The following STARD13 variants were observed in gnomAD, a reference collection of about 807,000 sequenced individuals.
STARD13 encodes the protein StAR related lipid transfer domain containing 13.
In STARD13, 62 loss-of-function variants were observed where a neutral mutation model predicts 106.4. The observed-to-expected ratio is 0.58, with a 90% CI of 0.48 to 0.72. The LOEUF (loss-of-function observed/expected upper bound fraction) is 0.72, where lower values mean the gene tolerates loss of function less well. STARD13 is among the 30% of genes least tolerant of loss of function. STARD13 has a pLI of 0.00. For missense variants in STARD13, 1,387 were observed against 1,424.0 expected, an observed-to-expected ratio of 0.97 and a Z score of 0.42; for synonymous variants, 565 against 553.0, an observed-to-expected ratio of 1.02 and a Z score of -0.31.
At chr13:33,608,810 G>T in the STARD13 span, among the ~76,000 whole-genome samples, 1 of 152,152 alleles carries the variant, frequency 6.6e-6, no homozygotes, top group Non-Finnish European at 1.5e-5. Flanking sequence ...ATACAGGCTG[G>T]GCCCGATGGC....
At chr13:33,263,289 C>T (rs1890737731) in intron 1 of STARD13, among the ~76,000 whole-genome samples, 1 of 152,028 alleles carries the variant, frequency 6.6e-6, no homozygotes, top group East Asian at 1.9e-4. Context: ...CCAGATATTA[C>T]CAAATGTTCC....
At chr13:33,193,521 A>G (rs1262484975) in intron 1 of STARD13, among the ~76,000 whole-genome samples, 2 of 152,236 alleles carry the variant, frequency 1.3e-5, no homozygotes, top group South Asian at 4.1e-4. Flanking sequence ...ACTCAGGTAG[A>G]CATTACTGTT....
At chr13:33,615,747 C>T in the STARD13 span, among the ~76,000 whole-genome samples, 2 of 152,196 alleles carry the variant, frequency 1.3e-5, no homozygotes, top group African/African-American at 4.8e-5. Flanking sequence ...ATCATGACAT[C>T]CAGGTTCCTT....
In STARD13 at chr13:33,129,877, C is replaced by T. The variant is rs199525321; in HGVS notation, c.800G>A (p.Arg267Gln). 24 of 1,613,108 alleles carry T rather than the reference C, an allele frequency of 1.5e-5. No homozygotes were observed. Among genetic ancestry groups the T allele is most frequent in the South Asian group, 1.2e-4 (11 of 91,074 alleles). The part of the protein sequence containing the change: ...KSFLKRMETL[R>Q]GKGAHGRHKG... ...ATGCCTCCCGTGGGCTCCCTTCCCT[C>T]GGAGTGTTTCCATGCGTTTCAAAAA... Residue 267 changes from arginine (R) to glutamine (Q), a missense_variant, in exon 5 of 14, where the codon CGA becomes CAA. Transcript: ENST00000336934.
chr13:33,480,265 A>G, the STARD13 span, among the ~76,000 whole-genome samples: 1 of 152,188 alleles, frequency 6.6e-6, no homozygotes, highest in Admixed American at 6.5e-5. Flanking sequence ...ATTTTGTATT[A>G]CATATTTGAG....
chr13:33,462,046 G>A, the STARD13 span, among the ~76,000 whole-genome samples: 1 of 152,062 alleles, frequency 6.6e-6, no homozygotes, highest in Non-Finnish European at 1.5e-5. Flanking sequence ...ACACTTTCCA[G>A]CCTCTCTCCC....
At chr13:33,549,719 C>G in the STARD13 span, among the ~76,000 whole-genome samples, 2 of 152,198 alleles carry the variant, frequency 1.3e-5, no homozygotes, top group African/African-American at 2.4e-5. Flanking sequence ...TACATGACAT[C>G]TGTTTCTTCC....
intron 1 of STARD13, among the ~76,000 whole-genome samples, chr13:33,176,944 T>A (rs986706408): frequency 5.9e-5 from 9 of 152,240 alleles, no homozygotes; most frequent in Non-Finnish European, 4.4e-5. Context: ...TAACTTCAAA[T>A]TTTAAAGAAC....
chr13:33,638,601 A>T, the STARD13 span, among the ~76,000 whole-genome samples: 1 of 152,208 alleles, frequency 6.6e-6, no homozygotes, highest in African/African-American at 2.4e-5. Flanking sequence ...CTTCAGAGAG[A>T]ATAGATTGTA....
At chr13:33,382,243 A>G in the STARD13 span, among the ~76,000 whole-genome samples, 3 of 152,166 alleles carry the variant, frequency 2.0e-5, no homozygotes, top group African/African-American at 7.2e-5. Context: ...ATTACATTTC[A>G]AGTTAAGTCA....
the STARD13 span, among the ~76,000 whole-genome samples, chr13:33,521,914 T>C: frequency 5.9e-5 from 9 of 152,142 alleles, no homozygotes; most frequent in Non-Finnish European, 1.5e-5. Context: ...AATGCCTCTT[T>C]AATAAATTAC....
At chr13:33,487,392 C>T in the STARD13 span, among the ~76,000 whole-genome samples, 31,256 of 151,976 alleles carry the variant, frequency 0.21, 5,726 homozygotes, top group African/African-American at 0.49. Context: ...GGAAAAGAAT[C>T]CAAAAGTTAA....
intron 1 of STARD13, among the ~76,000 whole-genome samples, chr13:33,268,619 C>T (rs879279879): frequency 6.6e-5 from 10 of 152,138 alleles, no homozygotes; most frequent in South Asian, 2.1e-4. Flanking sequence ...GGTCACACAG[C>T]GCATCAGTGC....
At chr13:33,526,383 A>G in the STARD13 span, among the ~76,000 whole-genome samples, 2 of 152,126 alleles carry the variant, frequency 1.3e-5, no homozygotes, top group Admixed American at 1.3e-4. Flanking sequence ...CAAATAAGTT[A>G]TATTTGTAAT....
intron 1 of STARD13, among the ~76,000 whole-genome samples, chr13:33,309,738 T>A (rs1479777454): frequency 6.6e-6 from 1 of 152,164 alleles, no homozygotes; most frequent in Non-Finnish European, 1.5e-5. Flanking sequence ...AGACTGCACA[T>A]AATATTATAG....
chr13:33,270,767 T>G (rs1027919928), intron 1 of STARD13, among the ~76,000 whole-genome samples: 4 of 152,174 alleles, frequency 2.6e-5, no homozygotes, highest in African/African-American at 9.7e-5. Context: ...CTGTGGAAGT[T>G]TTATAGCTGC....
intron 1 of STARD13, among the ~76,000 whole-genome samples, chr13:33,266,231 T>C (rs1336856670): frequency 2.0e-5 from 3 of 152,202 alleles, no homozygotes; most frequent in Admixed American, 6.5e-5. Flanking sequence ...CGTTTCTTAA[T>C]CTTTAAAATG....
At chr13:33,587,037 A>G in the STARD13 span, among the ~76,000 whole-genome samples, 3 of 152,034 alleles carry the variant, frequency 2.0e-5, no homozygotes, top group African/African-American at 7.2e-5. Flanking sequence ...AACATGGTGA[A>G]ACCCCGTCTT....
At chr13:33,108,010 C>A (rs1874003671) in intron 12 of STARD13, among the ~76,000 whole-genome samples, 1 of 152,244 alleles carries the variant, frequency 6.6e-6, no homozygotes, top group Non-Finnish European at 1.5e-5. Flanking sequence ...AAGCCCCACA[C>A]AAATGCTCAG....
Sources: gnomAD v4.1 joint callset for allele counts (sites outside exome capture counted in the v4.1 genomes callset) on GRCh38, gnomAD v4.1.1 for gene constraint, MANE v1.5 for transcripts, NCBI Gene and HGNC (gene_info 2026-07-23, HGNC 2026-07-21) for gene names.